Variants in WWOX observed in about 807,000 individuals in gnomAD.
WWOX encodes WW domain containing oxidoreductase.
Under a neutral mutation model 46.2 loss-of-function variants are expected in WWOX, and 69 were observed. The ratio of observed to expected loss-of-function variants is 1.49; its 90% confidence interval spans 1.23 to 1.82. The LOEUF (loss-of-function observed/expected upper bound fraction) is 1.82, where lower values mean the gene tolerates loss of function less well. Ranked by LOEUF, WWOX falls within the 40% of genes most tolerant of loss-of-function variation. The pLI, the probability that WWOX is intolerant of heterozygous loss-of-function variation, is 0.00. For synonymous variants in WWOX, 359 were observed against 202.6 expected (o/e 1.77, Z -6.56); for missense variants, 919 against 542.6 (o/e 1.69, Z -6.89).
chr16:78,553,065 G>A (rs1051921886), intron 8 of WWOX: 1 of 152,246 alleles, frequency 6.6e-6, no homozygotes. Flanking sequence ...TTGTAAGTGG[G>A]AGCTGAACAA....
At chr16:78,256,462 T>A (rs1238206252) in intron 5 of WWOX, among the ~76,000 whole-genome samples, 1 of 151,944 alleles carries the variant, frequency 6.6e-6, no homozygotes, top group Non-Finnish European at 1.5e-5. Context: ...TCCAATAAAC[T>A]GGGTAGCTCA....
intron 8 of WWOX, among the ~76,000 whole-genome samples, chr16:79,088,096 A>G (rs1051480247): frequency 3.3e-5 from 5 of 151,818 alleles, no homozygotes; most frequent in Non-Finnish European, 4.4e-5. Context: ...CTCATCTGGT[A>G]CTCTTGACTC....
chr16:78,359,736 C>T (rs2081369605), intron 5 of WWOX, among the ~76,000 whole-genome samples: 1 of 152,192 alleles, frequency 6.6e-6, no homozygotes, highest in East Asian at 1.9e-4. Context: ...ACGTGATGTG[C>T]ATGAGAAGCC....
intron 5 of WWOX, among the ~76,000 whole-genome samples, chr16:78,245,799 C>G (rs568885913): frequency 2.0e-5 from 3 of 152,122 alleles, no homozygotes; most frequent in Non-Finnish European, 4.4e-5. Context: ...TATTCTTCCT[C>G]GACAATAGCT....
chr16:78,119,406 G>A (rs1204670774), intron 4 of WWOX, among the ~76,000 whole-genome samples: 4 of 152,096 alleles, frequency 2.6e-5, no homozygotes, highest in African/African-American at 4.8e-5. Context: ...AGTATAAAAT[G>A]CTGCCCCCTG....
intron 5 of WWOX, among the ~76,000 whole-genome samples, chr16:78,236,028 A>G (rs866333911): frequency 3.9e-5 from 6 of 152,326 alleles, no homozygotes; most frequent in South Asian, 2.1e-4. Context: ...AGCCACAGAT[A>G]ATATATAAAT....
rs1002854068 is a variant in WWOX at position 78,688,291 on chromosome 16, A to G, written c.1056+255539A>G. 1.2e-4 allele frequency among the ~76,000 whole-genome samples: 19 copies of G among 152,004 alleles called. No homozygotes were observed. The East Asian group carries it at 2.9e-3, about 23-fold the overall frequency. On this transcript the variant is annotated intron_variant, in intron 8 of 8. Coordinates refer to ENST00000566780, the MANE Select transcript of WWOX (RefSeq NM_016373.4). Reference sequence around the variant, plus strand: ...CTTGTTGCATCGTCTTTATCCTTAGATCTTAATCAGAAATAGGAAAATTTT... The same window carrying G: ...CTTGTTGCATCGTCTTTATCCTTAGGTCTTAATCAGAAATAGGAAAATTTT...
chr16:79,019,176 A>G (rs1186123794), intron 8 of WWOX, among the ~76,000 whole-genome samples: 1 of 57,398 alleles, frequency 1.7e-5, no homozygotes, highest in Non-Finnish European at 3.0e-5. Context: ...AAAAAAAAAA[A>G]AAAAAAAAAG....
intron 8 of WWOX, among the ~76,000 whole-genome samples, chr16:78,823,660 C>T (rs779406706): frequency 6.6e-6 from 1 of 152,082 alleles, no homozygotes; most frequent in Non-Finnish European, 1.5e-5. Context: ...AAAGTATACA[C>T]GTATCTGTGC....
intron 8 of WWOX, among the ~76,000 whole-genome samples, chr16:79,089,825 C>T (rs1021528046): frequency 2.2e-4 from 34 of 152,010 alleles, no homozygotes; most frequent in African/African-American, 5.1e-4. Flanking sequence ...TTTCATTCCT[C>T]GGAGTTCTGA....
Position 79,114,448 on chromosome 16 carries a change from GCACA to G in WWOX, c.1057-97153_1057-97150del, listed in dbSNP as rs1017204161. Among the ~76,000 whole-genome samples the G allele has an allele frequency of 4.0e-5, 6 of 151,408 alleles. No individual in the cohort carries two copies. In the East Asian group the frequency reaches 1.2e-3, roughly 30 times the overall value. ...CACATACCTACATGCACACACGTGT[GCACA>G]CACACAAGCAGAAGGCCATGTGAAG... On this transcript the variant is annotated intron_variant, in intron 8 of 8. Coordinates refer to ENST00000566780, the MANE Select transcript of WWOX (RefSeq NM_016373.4).
chr16:79,208,013 C>G (rs1228680254), intron 8 of WWOX, among the ~76,000 whole-genome samples: 1 of 152,176 alleles, frequency 6.6e-6, no homozygotes, highest in Non-Finnish European at 1.5e-5. Flanking sequence ...TAAACAGCAA[C>G]TGCTTTCTAA....
chr16:78,978,748 T>A (rs1206385783), intron 8 of WWOX, among the ~76,000 whole-genome samples: 1 of 152,202 alleles, frequency 6.6e-6, no homozygotes, highest in Non-Finnish European at 1.5e-5. Flanking sequence ...CCGAATCGCA[T>A]GAGAACTCTC....
rs150814036 is a variant in WWOX at position 78,607,386 on chromosome 16, A to G, written c.1056+174634A>G. The stretch of plus-strand genomic sequence containing the variant: ...TTGTTTGTGAGTCCAGAGACGATGG[A>G]AGAGTTTGGAAAGTTGTCAGCTTAT... On this transcript the variant is annotated intron_variant, in intron 8 of 8. Transcript: ENST00000566780. 5.1e-3 allele frequency among the ~76,000 whole-genome samples: 778 copies of G among 152,296 alleles called. 8 individuals carry two copies. Among genetic ancestry groups the G allele is most frequent in the African/African-American group, 0.018 (741 of 41,564 alleles).
At chr16:78,373,256 T>C (rs542194084) in intron 5 of WWOX, among the ~76,000 whole-genome samples, 15 of 152,334 alleles carry the variant, frequency 9.8e-5, no homozygotes, top group South Asian at 2.1e-4. Context: ...CAAAAGTCTT[T>C]CAGTGTAAAG....
At chr16:78,378,820 G>A (rs943654374) in intron 5 of WWOX, among the ~76,000 whole-genome samples, 4 of 152,076 alleles carry the variant, frequency 2.6e-5, no homozygotes, top group Admixed American at 6.6e-5. Flanking sequence ...CTCCTTCAGC[G>A]GTAACACTTC....
intron 5 of WWOX, among the ~76,000 whole-genome samples, chr16:78,255,921 G>A (rs936612363): frequency 6.6e-6 from 1 of 152,052 alleles, no homozygotes; most frequent in South Asian, 2.1e-4. Flanking sequence ...AGAGGCTGAG[G>A]TAGGTGGATC....
intron 8 of WWOX, among the ~76,000 whole-genome samples, chr16:78,783,021 C>G (rs576419520): frequency 6.6e-6 from 1 of 152,320 alleles, no homozygotes; most frequent in Admixed American, 6.5e-5. Context: ...CTAGTGTGAT[C>G]TTTCTGAAGT....
chr16:78,353,362 A>G (rs547734397), intron 5 of WWOX, among the ~76,000 whole-genome samples: 4 of 152,340 alleles, frequency 2.6e-5, no homozygotes, highest in Non-Finnish European at 5.9e-5. Flanking sequence ...AACAGATGCC[A>G]CAGCTGGGCT....
Sources: gnomAD v4.1 joint callset for allele counts (sites outside exome capture counted in the v4.1 genomes callset) on GRCh38, gnomAD v4.1.1 for gene constraint, MANE v1.5 for transcripts, NCBI Gene and HGNC (gene_info 2026-07-23, HGNC 2026-07-21) for gene names.